Variants in PRDM8 observed in about 807,000 individuals in gnomAD.
The protein encoded by PRDM8 is PR/SET domain 8, also known as PR domain zinc finger protein 8.
Under a neutral mutation model 46.5 loss-of-function variants are expected in PRDM8, and 13 were observed. That is an observed-to-expected ratio of 0.28 (90% CI 0.18 to 0.44). The LOEUF (loss-of-function observed/expected upper bound fraction) is 0.44, where lower values mean the gene tolerates loss of function less well. Among genes scored for constraint, PRDM8 ranks in the 20% least tolerant of loss-of-function variants. The probability of loss-of-function intolerance (pLI) is 1.00; values close to 1 mark genes in which losing one functional copy is unlikely to be tolerated. For missense variants in PRDM8, 998 were observed against 955.0 expected, an observed-to-expected ratio of 1.04 and a Z score of -0.59; for synonymous variants, 473 against 438.4, an observed-to-expected ratio of 1.08 and a Z score of -0.98.
At position 80,203,421 on chromosome 4, in the gene PRDM8, G is replaced by T. The variant is rs1026983526; in HGVS notation, c.1959G>T (p.Ala653=). 3 of 1,613,580 alleles carry T rather than the reference G, an allele frequency of 1.9e-6. No individual in the cohort carries two copies. The African/African-American group carries it at 4.0e-5, about 22-fold the overall frequency. Residue 653 remains alanine, a synonymous_variant, in exon 4 of 4, where the codon GCG becomes GCT. Transcript: ENST00000415738. ...GGTCGCACCACAAAAAGGAGTATGC[G>T]ATGGAGCCCTTGGTGAAGCGGCGGC... ...HMRSHHKKEY[A]MEPLVKRRRE...
rs1738572051 is a variant in PRDM8, at chr4:80,202,439, G to C, written c.977G>C (p.Gly326Ala). 6.5e-7 allele frequency: 1 copy of C among 1,547,530 alleles called. No homozygotes were observed. Among genetic ancestry groups the C allele is most frequent in the East Asian group, 2.4e-5 (1 of 40,940 alleles). The change falls in exon 4 of 4, where the codon GGC (glycine) becomes GCC (alanine). Residue 326 changes from glycine (G) to alanine (A), a missense_variant. Transcript: ENST00000415738. ...FPEEAAEGGG[G>A]AGLVGGRGRF... ...GAGGAGGCGGCGGAGGGCGGCGGTG[G>C]CGCTGGTCTGGTAGGGGGCCGGGGC...
upstream of PRDM8, among the ~76,000 whole-genome samples, chr4:80,193,929 C>A (rs1160597056): frequency 6.6e-6 from 1 of 152,200 alleles, no homozygotes; most frequent in Non-Finnish European, 1.5e-5. Flanking sequence ...AGTGTGTTTT[C>A]ATTCTCATGG....
At chr4:80,196,056 T>G (rs948658238), upstream of PRDM8, 1 of 985,038 alleles carries the variant, frequency 1.0e-6, no homozygotes, top group African/African-American at 1.7e-5. Context: ...CACCAGGCTG[T>G]CAAAGCCTCA....
rs1738184321 is a variant in PRDM8 at position 80,198,979 on chromosome 4, G to GTTTTT, written c.-2-1100_-2-1099insTTTTT. ...AAATTTAAATACCTGGGTTTTTTTG[G>GTTTTT]GTTTTTTTTTTTTTGTTTTTTTTTT... On this transcript the variant is annotated intron_variant, in intron 1 of 3. Coordinates refer to ENST00000415738, the MANE Select transcript of PRDM8 (RefSeq NM_001099403.2). Among the ~76,000 whole-genome samples the GTTTTT allele has an allele frequency of 1.1e-4, 13 of 113,520 alleles. 1 individual carries two copies. The highest frequency in any genetic ancestry group is 8.9e-4 in the East Asian group (2 of 2,240). The allele number at this position is 113,520 out of a possible 152,430, so 74.5% of individuals were successfully genotyped here.
chr4:80,201,876 G>A, intron 3 of PRDM8, 38 bp from the exon 4 acceptor site: 1 of 1,453,380 alleles, frequency 6.9e-7, no homozygotes, highest in Non-Finnish European at 9.2e-7. Context: ...GTGTGTGTGT[G>A]CGTGCGTGCG....
chr4:80,185,922 A>AGACG (rs1737038884), intron 1 of PRDM8, among the ~76,000 whole-genome samples: 1 of 152,230 alleles, frequency 6.6e-6, no homozygotes, highest in African/African-American at 2.4e-5. Flanking sequence ...CTTTAGGAAC[A>AGACG]GACGGACGGA....
chr4:80,201,261 T>A (rs1237018121), intron 2 of PRDM8, 29 bp from the exon 3 acceptor site: 4 of 1,598,078 alleles, frequency 2.5e-6, no homozygotes, highest in Non-Finnish European at 3.4e-6. Flanking sequence ...CTCTCCTTCT[T>A]GTCTTCTTTC....
At chr4:80,194,235 A>G, upstream of PRDM8, 1 of 977,554 alleles carries the variant, frequency 1.0e-6, no homozygotes, top group Non-Finnish European at 1.2e-6. Flanking sequence ...CTAAAGTGGA[A>G]CAAGGTGAGC....
In PRDM8 at chr4:80,197,651, A is replaced by C; in HGVS notation, c.-115A>C. The C allele has an allele frequency of 2.0e-6, 2 of 983,076 alleles. No individual in the cohort carries two copies. The highest frequency in any genetic ancestry group is 2.4e-6 in the Non-Finnish European group (2 of 827,624). The allele number at this position is 983,076 out of a possible 1,614,324, so 60.9% of individuals were successfully genotyped here. ...AAGAGCCTAAAAGGCGGCAACACCA[A>C]CACCTCTTGACATGGAAATACACTG... On this transcript the variant is annotated 5_prime_UTR_variant, in exon 1 of 4. Coordinates refer to ENST00000415738, the MANE Select transcript of PRDM8 (RefSeq NM_001099403.2).
At position 80,202,635 on chromosome 4, in the gene PRDM8, G is replaced by A. The variant is rs1292648964; in HGVS notation, c.1173G>A (p.Lys391=). ...AKRSAFVEVK[K]AARAASLQEE... is the part of the protein sequence containing the mutation. The stretch of plus-strand genomic sequence containing the variant: ...GCAGCGCCTTCGTGGAGGTGAAGAA[G>A]GCTGCCCGCGCGGCCAGCCTGCAGG... Residue 391 remains lysine, a synonymous_variant, in exon 4 of 4, where the codon AAG becomes AAA. Coordinates refer to ENST00000415738, the MANE Select transcript of PRDM8 (RefSeq NM_001099403.2). 4.0e-6 allele frequency: 6 copies of A among 1,515,512 alleles called. No individual in the cohort carries two copies. The highest frequency in any genetic ancestry group is 3.6e-5 in the South Asian group (3 of 82,240). 93.9% of individuals were successfully genotyped at this position (1,515,512 alleles called of 1,614,324 possible). A position where few individuals can be genotyped will look rare whatever the true frequency, so the allele number is the denominator to read the frequency against.
At chr4:80,188,384 C>T (rs1270945230) in intron 1 of PRDM8, among the ~76,000 whole-genome samples, 1 of 152,184 alleles carries the variant, frequency 6.6e-6, no homozygotes, top group African/African-American at 2.4e-5. Flanking sequence ...TTTCACAGAT[C>T]CCCCTGCTTC....
upstream of PRDM8, among the ~76,000 whole-genome samples, chr4:80,193,820 A>T (rs1054189585): frequency 6.6e-6 from 1 of 152,122 alleles, no homozygotes; most frequent in Non-Finnish European, 1.5e-5. Context: ...ATGAATTGCC[A>T]TACTCTTTTG....
At chr4:80,191,933 T>C (rs1024276933) in intron 2 of PRDM8, among the ~76,000 whole-genome samples, 2 of 152,260 alleles carry the variant, frequency 1.3e-5, no homozygotes, top group African/African-American at 4.8e-5. Flanking sequence ...TACTCTTTAA[T>C]ACAAGGTAAA....
rs554793848 is a variant in PRDM8, at chr4:80,187,680, C to T, written c.-983+2162C>T. On this transcript the variant is annotated intron_variant, in intron 1 of 9. Transcript: ENST00000339711. ...CTTCTCTTGAGTCAGGTTTGCTCCG[C>T]GTCTGTTGTTGGGTTATGCCCCTTC... 2.1e-4 allele frequency among the ~76,000 whole-genome samples: 32 copies of T among 152,270 alleles called. No homozygotes were observed. The East Asian group carries it at 6.0e-3, about 28-fold the overall frequency.
chr4:80,197,582 A>G lies in PRDM8; in HGVS notation c.-184A>G. The G allele has an allele frequency of 1.1e-5, 9 of 839,974 alleles. No homozygotes were observed. Among genetic ancestry groups the G allele is most frequent in the Non-Finnish European group, 1.3e-5 (9 of 701,932 alleles). The allele number at this position is 839,974 out of a possible 1,614,324, so 52.0% of individuals were successfully genotyped here. A position where few individuals can be genotyped will look rare whatever the true frequency, so the allele number is the denominator to read the frequency against. ...CTCCCTCCCTCCCTCCACCCCCCCA[A>G]TCTTTTTCTCCCCATCTCTCCATCT... On this transcript the variant is annotated 5_prime_UTR_variant, in exon 1 of 4. Coordinates refer to ENST00000415738, the MANE Select transcript of PRDM8 (RefSeq NM_001099403.2).
In PRDM8 at chr4:80,200,114, G is replaced by A. The variant is rs768984964; in HGVS notation, c.34G>A (p.Asp12Asn). The change falls in exon 2 of 4, where the codon GAT (aspartate) becomes AAT (asparagine). Residue 12 changes from aspartate to asparagine, a missense_variant. Transcript: ENST00000415738. Reference protein sequence around the residue: ...EDTGIQRGIWDGDAKAVQQCL... With the variant: ...EDTGIQRGIWNGDAKAVQQCL... ...TACTGGCATCCAGCGAGGCATCTGG[G>A]ATGGAGATGCCAAGGCTGTCCAACA... 2 of 1,613,960 alleles carry A rather than the reference G, an allele frequency of 1.2e-6. No individual in the cohort carries two copies. The highest frequency in any genetic ancestry group is 1.6e-4 in the Middle Eastern group (1 of 6,062).
intron 1 of PRDM8, among the ~76,000 whole-genome samples, chr4:80,185,876 C>A (rs1010319786): frequency 6.6e-6 from 1 of 152,090 alleles, no homozygotes. Context: ...ATTAGGAAGC[C>A]GAAAATGGTA....
Position 80,202,884 on chromosome 4 carries a change from T to C in PRDM8, c.1422T>C (p.Gly474=). The C allele has an allele frequency of 1.6e-6, 2 of 1,288,892 alleles. No homozygotes were observed. The highest frequency in any genetic ancestry group is 1.9e-6 in the Non-Finnish European group (2 of 1,027,328). The allele number at this position is 1,288,892 out of a possible 1,614,324, so 79.8% of individuals were successfully genotyped here. The change falls in exon 4 of 4, where the codon GGT becomes GGC. Residue 474 remains glycine (G), a synonymous_variant. Coordinates refer to ENST00000415738, the MANE Select transcript of PRDM8 (RefSeq NM_001099403.2). ...TGGGCAGCGCGGGCAGCACCAGCGG[T>C]GGGGGCGGAACGGGCGCCGGGGCCG... is the stretch of plus-strand genomic sequence containing the variant. ...PQLGSAGSTS[G]GGGTGAGAAG... is the part of the protein sequence containing the mutation.
upstream of PRDM8, chr4:80,197,189 C>CG (rs1381909072): frequency 1.0e-6 from 1 of 985,328 alleles, no homozygotes; most frequent in Non-Finnish European, 1.2e-6. Context: ...CCTAGTGAAA[C>CG]GGGGAAAGGC....
Sources: gnomAD v4.1 joint callset for allele counts (sites outside exome capture counted in the v4.1 genomes callset) on GRCh38, gnomAD v4.1.1 for gene constraint, MANE v1.5 for transcripts, NCBI Gene and HGNC (gene_info 2026-07-23, HGNC 2026-07-21) for gene names.